NOL8: variants seen among roughly 807,000 people sequenced by gnomAD.
NOL8 encodes the protein nucleolar protein Nop132.
A neutral mutation model predicts 116.1 loss-of-function variants in NOL8; 93 were observed. The observed-to-expected ratio is 0.80, with a 90% CI of 0.68 to 0.95. NOL8 has a LOEUF of 0.95. Among genes scored for constraint, NOL8 ranks in the 40% least tolerant of loss-of-function variants. The pLI is 0.00. For synonymous variants in NOL8, 419 were observed against 469.0 expected, an observed-to-expected ratio of 0.89 and a Z score of 1.38; for missense variants, 1,291 against 1,382.8, an observed-to-expected ratio of 0.93 and a Z score of 1.05.
In NOL8 at chr9:92,310,824, C is replaced by T. The variant is rs547369055; in HGVS notation, c.2473-149G>A. The T allele has an allele frequency of 7.3e-6, 6 of 817,810 alleles. No homozygotes were observed. The South Asian group carries it at 1.2e-4, about 16-fold the overall frequency. The allele number at this position is 817,810 out of a possible 1,614,324, so 50.7% of individuals were successfully genotyped here. ...TGGCAGGTCAGGTGGAAATTCCTGA[C>T]TCAGTGAAATCTAACTGGCCTCTGG... On this transcript the variant is annotated intron_variant, in intron 8 of 16. Transcript: ENST00000442668.
chr9:92,320,808 C>T (rs2130736867), intron 4 of NOL8, among the ~76,000 whole-genome samples: 1 of 152,114 alleles, frequency 6.6e-6, no homozygotes, highest in South Asian at 2.1e-4. Context: ...GGTTTCACCA[C>T]TTTAGCCAGG....
Position 92,316,036 on chromosome 9 carries a change from C to T in NOL8, c.589G>A (p.Gly197Arg), listed in dbSNP as rs903611493. 3 of 1,613,810 alleles carry T rather than the reference C, an allele frequency of 1.9e-6. No homozygotes were observed. In the African/African-American group the frequency reaches 4.0e-5, roughly 22 times the overall value. The change falls in exon 7 of 17, where the codon GGA becomes AGA. Residue 197 changes from glycine to arginine, a missense_variant. Physicochemically the swap from Gly to Arg is moderately radical, Grantham distance 125. Coordinates refer to ENST00000442668, the MANE Select transcript of NOL8 (RefSeq NM_017948.6). ...PISSLTWELE[G>R]GNDPMSKKRR... ...TTCTTACTCATAGGGTCATTCCCTC[C>T]TTCTAATTCCCAAGTCAGGCTGGAT...
chr9:92,316,586 A>G (rs79993441), intron 6 of NOL8, among the ~76,000 whole-genome samples: 210 of 152,186 alleles, frequency 1.4e-3, no homozygotes, highest in African/African-American at 4.6e-3. Flanking sequence ...GTTCTTACTC[A>G]TCCTAACTCT....
At chr9:92,320,849 C>T (rs1459312788) in intron 4 of NOL8, among the ~76,000 whole-genome samples, 6 of 152,186 alleles carry the variant, frequency 3.9e-5, no homozygotes, top group African/African-American at 1.2e-4. Context: ...TCAGGTGATC[C>T]ACCCGCCTCG....
At chr9:92,310,803 AG>A in intron 8 of NOL8, 128 bp from the exon 9 acceptor site, 1 of 1,004,070 alleles carries the variant, frequency 1.0e-6, no homozygotes, top group South Asian at 1.8e-5. Context: ...AGTAAATGGC[AG>A]GTCAGGTGGA....
chr9:92,298,477 G>T, intron 15 of NOL8, 141 bp from the exon 16 acceptor site: 1 of 563,550 alleles, frequency 1.8e-6, no homozygotes, highest in East Asian at 3.1e-5. Flanking sequence ...TCAAAAATTA[G>T]TATTTTTTCT....
chr9:92,301,731 C>T lies in NOL8; in HGVS notation c.2995G>A (p.Glu999Lys). The change falls in exon 13 of 17, where the codon GAA becomes AAA. Residue 999 changes from glutamate to lysine, a missense_variant. By Grantham distance (56) the Glu-to-Lys change is moderately conservative. Transcript: ENST00000442668. ...GTATATTTTGTAGTTTGGAATATTT[C>T]TTTCAGATCCATAGCAATATTATAA... ...MYYNIAMDLK[E>K]IFQTTKYTSE... 1.2e-5 allele frequency: 19 copies of T among 1,607,460 alleles called. No individual in the cohort carries two copies. Among genetic ancestry groups the T allele is most frequent in the Non-Finnish European group, 1.6e-5 (19 of 1,177,616 alleles).
chr9:92,310,864 A>C, intron 8 of NOL8, 189 bp from the exon 9 acceptor site: 1 of 620,248 alleles, frequency 1.6e-6, no homozygotes. Context: ...ACTAATCCAG[A>C]GGCTCTCCAG....
chr9:92,319,982 G>A (rs1839787876), intron 4 of NOL8: 1 of 438,116 alleles, frequency 2.3e-6, no homozygotes, highest in Admixed American at 2.4e-5. Flanking sequence ...TCCCCTTTAT[G>A]GAAGACCAAG....
intron 2 of NOL8, 138 bp downstream of exon 2, chr9:92,323,885 T>G: frequency 1.1e-6 from 1 of 914,634 alleles, no homozygotes; most frequent in Middle Eastern, 3.5e-4. Context: ...AAGTTCCACA[T>G]CACACATTAT....
At chr9:92,317,700 T>G (rs1377619563) in intron 6 of NOL8, among the ~76,000 whole-genome samples, 1 of 152,146 alleles carries the variant, frequency 6.6e-6, no homozygotes, top group East Asian at 1.9e-4. Context: ...TACCTGCTAC[T>G]GTTCCCCTTA....
At position 92,306,601 on chromosome 9, in the gene NOL8, C is replaced by T. The variant is rs187279909; in HGVS notation, c.2825+285G>A. Among the ~76,000 whole-genome samples, 23 of 152,220 alleles carry T rather than the reference C, an allele frequency of 1.5e-4. No individual in the cohort carries two copies. The East Asian group carries it at 2.9e-3, about 19-fold the overall frequency. On this transcript the variant is annotated intron_variant, in intron 11 of 16. Coordinates refer to ENST00000442668, the MANE Select transcript of NOL8 (RefSeq NM_017948.6). ...TGCCTGAAAATTTCCATAACAGTTACGTTTATATAAATACTTTTACAGTTA... is the reference window on the plus strand; with the variant it reads ...TGCCTGAAAATTTCCATAACAGTTATGTTTATATAAATACTTTTACAGTTA...
intron 3 of NOL8, chr9:92,322,983 G>A (rs1840047248): frequency 1.3e-5 from 2 of 156,544 alleles, no homozygotes; most frequent in African/African-American, 4.8e-5. Context: ...CTTCATTGAA[G>A]GCCACTGTTT....
In NOL8 at chr9:92,315,296, CTT is replaced by C; in HGVS notation, c.1327_1328del (p.Lys443ValfsTer3). ...GAGAGGGAGATTTACGATTAAGAGA[CTT>C]TAATCCATGACTGAGGGCTGACTCT... The part of the protein sequence containing the change: ...NVESALSHGL[K>X]SLNRKSPSHS... On this transcript the variant is annotated frameshift_variant, in exon 7 of 17. Coordinates refer to ENST00000442668, the MANE Select transcript of NOL8 (RefSeq NM_017948.6). LOFTEE classifies it high-confidence loss of function. 6.2e-7 allele frequency: 1 copy of C among 1,613,950 alleles called. No homozygotes were observed. The highest frequency in any genetic ancestry group is 8.5e-7 in the Non-Finnish European group (1 of 1,179,846).
At chr9:92,319,993 A>T (rs182880319) in intron 4 of NOL8, 2 of 445,980 alleles carry the variant, frequency 4.5e-6, no homozygotes. Flanking sequence ...GAAGACCAAG[A>T]CCATGGATCG....
In NOL8 at chr9:92,311,212, G is replaced by T. The variant is rs1233395592; in HGVS notation, c.2406C>A (p.Asp802Glu). ...DKPTHIIFGSDSECETEETST... is the reference protein window; with the variant it reads ...DKPTHIIFGSESECETEETST... ...ATGTCTCCTCTGTTTCACATTCACT[G>T]TCAGAACCGAAGATGATGTGCGTTG... Residue 802 changes from aspartate (D) to glutamate (E), a missense_variant, in exon 8 of 17, where the codon GAC becomes GAA. By Grantham distance (45) the Asp-to-Glu change is conservative (BLOSUM62 2). Transcript: ENST00000442668. 1 of 1,613,746 alleles carries T rather than the reference G, an allele frequency of 6.2e-7. No individual in the cohort carries two copies. The highest frequency in any genetic ancestry group is 1.3e-5 in the African/African-American group (1 of 74,906).
chr9:92,324,195 G>A lies in NOL8; in HGVS notation c.-34C>T. 1 of 1,594,734 alleles carries A rather than the reference G, an allele frequency of 6.3e-7. No individual in the cohort carries two copies. Among genetic ancestry groups the A allele is most frequent in the South Asian group, 1.1e-5 (1 of 89,408 alleles). ...GGCATATACTTGGGTGTGTTTCAGT[G>A]GGAAAAGTAATTTTCTGTATACAGA... On this transcript the variant is annotated 5_prime_UTR_variant, in exon 2 of 17. Transcript: ENST00000442668.
rs774058900 is a variant in NOL8, at chr9:92,324,106, A to C, written c.56T>G (p.Ile19Ser). The change falls in exon 2 of 17, where the codon ATT becomes AGT. Residue 19 changes from isoleucine (I) to serine (S), a missense_variant. By Grantham distance (142) the Ile-to-Ser change is moderately radical. Transcript: ENST00000442668. ...CTGATTTTGTAGGTCTGCCTCAGAA[A>C]TGTCCTGGCTAAGGCCACCCACATA... is the stretch of plus-strand genomic sequence containing the variant. ...RLYVGGLSQD[I>S]SEADLQNQFS... 3.1e-6 allele frequency: 5 copies of C among 1,613,940 alleles called. No homozygotes were observed. In the African/African-American group the frequency reaches 6.7e-5, roughly 22 times the overall value.
At chr9:92,318,503 G>C in intron 6 of NOL8, 115 bp downstream of exon 6, 2 of 744,816 alleles carry the variant, frequency 2.7e-6, no homozygotes, top group East Asian at 5.7e-5. Flanking sequence ...CAAGAAACTG[G>C]GAACACGCAA....
Sources: allele counts gnomAD v4.1 joint callset (sites outside exome capture counted in the v4.1 genomes callset), GRCh38; gene constraint gnomAD v4.1.1; transcripts MANE v1.5; gene names NCBI Gene and HGNC (gene_info 2026-07-23, HGNC 2026-07-21).